The following CRK variants were observed in gnomAD, a reference collection of about 807,000 sequenced individuals.
CRK encodes adapter molecule crk.
A neutral mutation model predicts 29.8 loss-of-function variants in CRK; 4 were observed. The observed-to-expected ratio is 0.13, with a 90% CI of 0.07 to 0.31. The LOEUF (loss-of-function observed/expected upper bound fraction) is 0.31, where lower values mean the gene tolerates loss of function less well. Among genes scored for constraint, CRK ranks in the 10% least tolerant of loss-of-function variants. The pLI is 1.00. For synonymous variants in CRK, 153 were observed against 164.9 expected (o/e 0.93, Z 0.55); for missense variants, 274 against 396.5 (o/e 0.69, Z 2.62).
chr17:1,452,398 ATT>A (rs2074024828), intron 1 of CRK, among the ~76,000 whole-genome samples: 1 of 152,170 alleles, frequency 6.6e-6, no homozygotes, highest in East Asian at 1.9e-4. Context: ...AATTCAAGAA[ATT>A]TCTCTGTGTG....
At chr17:1,455,725 G>C (rs561423336) in intron 1 of CRK, 152 bp downstream of exon 1, 1 of 1,197,300 alleles carries the variant, frequency 8.4e-7, no homozygotes, top group Non-Finnish European at 1.1e-6. Flanking sequence ...CCCCGGGTGA[G>C]AGCGAGCCCG....
chr17:1,429,931 A>C (rs546473477), intron 2 of CRK, among the ~76,000 whole-genome samples: 1 of 152,194 alleles, frequency 6.6e-6, no homozygotes, highest in South Asian at 2.1e-4. Context: ...TCTCAAAAAA[A>C]AAAAAGAGAA....
rs2073722335 is a variant in CRK, at chr17:1,421,327, A to G, written c.*2186T>C. On this transcript the variant is annotated 3_prime_UTR_variant, in exon 3 of 3. Transcript: ENST00000300574. ...TAGGAACATTCAAATCAGTTGTGACAAGGTTTTTCTACAAGTATTTTTGAT... is the reference window on the plus strand; with the variant it reads ...TAGGAACATTCAAATCAGTTGTGACGAGGTTTTTCTACAAGTATTTTTGAT... The G allele has an allele frequency of 6.6e-6, 1 of 152,236 alleles. No individual in the cohort carries two copies. Among genetic ancestry groups the G allele is most frequent in the South Asian group, 2.1e-4 (1 of 4,832 alleles). The allele number at this position is 152,236 out of a possible 1,614,324, so 9.4% of individuals were successfully genotyped here.
chr17:1,435,188 T>G (rs935909698), intron 2 of CRK, among the ~76,000 whole-genome samples: 6 of 152,048 alleles, frequency 3.9e-5, no homozygotes, highest in Non-Finnish European at 8.8e-5. Context: ...GCCTCCCAAG[T>G]AGCTGGGACC....
chr17:1,453,584 C>T (rs997179616), intron 1 of CRK, among the ~76,000 whole-genome samples: 2 of 152,188 alleles, frequency 1.3e-5, no homozygotes, highest in African/African-American at 4.8e-5. Flanking sequence ...AATTTGTGAG[C>T]TTATAGACCC....
At chr17:1,448,129 G>C (rs914325545) in intron 1 of CRK, among the ~76,000 whole-genome samples, 2 of 151,814 alleles carry the variant, frequency 1.3e-5, no homozygotes, top group African/African-American at 2.4e-5. Flanking sequence ...GCGACAGAAG[G>C]CCACTGGTTT....
At chr17:1,428,575 G>A (rs2073805142) in intron 2 of CRK, among the ~76,000 whole-genome samples, 1 of 135,066 alleles carries the variant, frequency 7.4e-6, no homozygotes, top group Admixed American at 8.5e-5. Context: ...CCTGGCTAGA[G>A]TACAGTGGCA....
At chr17:1,444,108 A>T (rs2073955820) in intron 1 of CRK, among the ~76,000 whole-genome samples, 1 of 151,942 alleles carries the variant, frequency 6.6e-6, no homozygotes, top group Non-Finnish European at 1.5e-5. Flanking sequence ...TGTTGGGATT[A>T]TAGGCATGAG....
At chr17:1,448,339 T>G (rs2073990770) in intron 1 of CRK, among the ~76,000 whole-genome samples, 1 of 151,974 alleles carries the variant, frequency 6.6e-6, no homozygotes, top group South Asian at 2.1e-4. Context: ...CTAAAGTGGC[T>G]AGAGGCTGGG....
Position 1,421,963 on chromosome 17 carries a change from G to C in CRK, c.*1550C>G, listed in dbSNP as rs1205055107. 1 of 151,942 alleles carries C rather than the reference G, an allele frequency of 6.6e-6. No homozygotes were observed. Among genetic ancestry groups the C allele is most frequent in the Non-Finnish European group, 1.5e-5 (1 of 68,000 alleles). The allele number at this position is 151,942 out of a possible 1,614,324, so 9.4% of individuals were successfully genotyped here. ...GCCTAGGTCATTTTTGGTCTCATAG[G>C]TCTATTTTGTGGAGCACCTGACCCC... On this transcript the variant is annotated 3_prime_UTR_variant, in exon 3 of 3. Coordinates refer to ENST00000300574, the MANE Select transcript of CRK (RefSeq NM_016823.4).
In CRK at chr17:1,437,027, C is replaced by T; in HGVS notation, c.370G>A (p.Gly124Ser). The stretch of plus-strand genomic sequence containing the variant: ...TCCTGCCTGAGAATCACTCCACTAC[C>T]CTGCCTGGATCTGGAAACTGGTTCT... ...LIEPVSRSRQ[G>S]SGVILRQEEA... is the part of the protein sequence containing the mutation. Residue 124 changes from glycine (G) to serine (S), a missense_variant, in exon 2 of 3, where the codon GGT becomes AGT. This residue lies in a region of CRK where 135 missense variants were observed against 180.9 expected (regional missense o/e 0.75). Coordinates refer to ENST00000300574, the MANE Select transcript of CRK (RefSeq NM_016823.4). 1 of 1,614,138 alleles carries T rather than the reference C, an allele frequency of 6.2e-7. No individual in the cohort carries two copies. The highest frequency in any genetic ancestry group is 8.5e-7 in the Non-Finnish European group (1 of 1,180,036).
At chr17:1,431,980 G>C (rs1467051630) in intron 2 of CRK, among the ~76,000 whole-genome samples, 3 of 152,152 alleles carry the variant, frequency 2.0e-5, no homozygotes, top group Non-Finnish European at 2.9e-5. Flanking sequence ...GAACAACAAA[G>C]ACTTCATACA....
chr17:1,441,405 C>T (rs931592412), intron 1 of CRK, among the ~76,000 whole-genome samples: 4 of 151,976 alleles, frequency 2.6e-5, no homozygotes, highest in South Asian at 2.1e-4. Flanking sequence ...CACAGCTCAC[C>T]GCAGTCTCAA....
chr17:1,443,856 C>T (rs1389183974), intron 1 of CRK, among the ~76,000 whole-genome samples: 4 of 151,574 alleles, frequency 2.6e-5, no homozygotes, highest in South Asian at 2.1e-4. Context: ...CCCGCCACCA[C>T]GCCCGGCTAA....
At chr17:1,446,634 T>C (rs1210428770) in intron 1 of CRK, among the ~76,000 whole-genome samples, 2 of 142,310 alleles carry the variant, frequency 1.4e-5, no homozygotes, top group Admixed American at 7.6e-5. Flanking sequence ...CTCTTTCGCC[T>C]AGGCTGGACT....
At chr17:1,443,257 C>T (rs1568018185) in intron 1 of CRK, among the ~76,000 whole-genome samples, 1 of 152,090 alleles carries the variant, frequency 6.6e-6, no homozygotes, top group Non-Finnish European at 1.5e-5. Context: ...GTTGGGATTA[C>T]AGGTGTGAGC....
intron 1 of CRK, among the ~76,000 whole-genome samples, chr17:1,437,679 A>C (rs1417762598): frequency 2.0e-5 from 3 of 150,922 alleles, no homozygotes; most frequent in East Asian, 3.9e-4. Flanking sequence ...TTTGAGACCA[A>C]ATCTCACTGT....
intron 2 of CRK, among the ~76,000 whole-genome samples, chr17:1,423,871 C>G (rs1406470161): frequency 6.6e-6 from 1 of 152,110 alleles, no homozygotes; most frequent in Non-Finnish European, 1.5e-5. Context: ...ACAGAGAATA[C>G]AGAAAGTAAA....
chr17:1,448,760 A>T (rs1025461055), intron 1 of CRK, among the ~76,000 whole-genome samples: 5 of 151,976 alleles, frequency 3.3e-5, no homozygotes, highest in African/African-American at 1.2e-4. Flanking sequence ...TCCCAGAGAA[A>T]ATTCCACAGG....
Sources: gnomAD v4.1 joint callset for allele counts (sites outside exome capture counted in the v4.1 genomes callset) on GRCh38, gnomAD v4.1.1 for gene constraint, gnomAD v4.1.1 regional missense constraint, MANE v1.5 for transcripts, NCBI Gene and HGNC (gene_info 2026-07-23, HGNC 2026-07-21) for gene names.